Variants in BEGAIN observed in about 807,000 individuals in gnomAD.
BEGAIN encodes the protein brain-enriched guanylate kinase-associated protein.
A neutral mutation model predicts 35.8 loss-of-function variants in BEGAIN; 19 were observed. The observed-to-expected ratio is 0.53, with a 90% CI of 0.37 to 0.78. BEGAIN has a LOEUF of 0.78. BEGAIN is among the 30% of genes least tolerant of loss of function. BEGAIN has a pLI of 0.00. For synonymous variants in BEGAIN, 462 were observed against 388.6 expected, an observed-to-expected ratio of 1.19 and a Z score of -2.22; for missense variants, 795 against 853.6, an observed-to-expected ratio of 0.93 and a Z score of 0.85.
At chr14:100,578,046 G>A (rs1192284126) in intron 1 of BEGAIN, 1 of 398,416 alleles carries the variant, frequency 2.5e-6, no homozygotes, top group Non-Finnish European at 4.4e-6. Context: ...CCTCTTGGGG[G>A]CTGTGCCTCC....
intron 2 of BEGAIN, among the ~76,000 whole-genome samples, chr14:100,557,513 CCTCA>C (rs2033862690): frequency 6.6e-6 from 1 of 152,144 alleles, no homozygotes; most frequent in Non-Finnish European, 1.5e-5. Context: ...TGAGGATGCC[CCTCA>C]CTCCATCACT....
At position 100,568,266 on chromosome 14, in the gene BEGAIN, G is replaced by A; in HGVS notation, c.43-327C>T. ...GCCTCGCCCGGAGGAGGGGGACTCG[G>A]CCTGTCCCCGTTAACTCTCCGGCGG... On this transcript the variant is annotated intron_variant, in intron 1 of 6. Coordinates refer to ENST00000554140, the MANE Select transcript of BEGAIN (RefSeq NM_001385089.1). This position sits in a 1 kb window ranked among gnomAD's most constrained non-coding sequence, Gnocchi z 7.5. 1 of 655,758 alleles carries A rather than the reference G, an allele frequency of 1.5e-6. No homozygotes were observed. 40.6% of individuals were successfully genotyped at this position (655,758 alleles called of 1,614,324 possible). A position where few individuals can be genotyped will look rare whatever the true frequency, so the allele number is the denominator to read the frequency against.
intron 4 of BEGAIN, among the ~76,000 whole-genome samples, chr14:100,544,530 C>T (rs1249638501): frequency 6.6e-6 from 1 of 152,152 alleles, no homozygotes; most frequent in East Asian, 1.9e-4. Context: ...TCGACATGTC[C>T]CAGCAGTGTG....
At chr14:100,577,263 G>C (rs1434738633) in intron 1 of BEGAIN, 2 of 398,714 alleles carry the variant, frequency 5.0e-6, no homozygotes. Context: ...AGGGCCTGTG[G>C]GGAAGCGGCA....
At chr14:100,574,062 G>A (rs778344450) in intron 1 of BEGAIN, among the ~76,000 whole-genome samples, 3 of 152,146 alleles carry the variant, frequency 2.0e-5, no homozygotes, top group Admixed American at 1.3e-4. Flanking sequence ...GGACAAGGAC[G>A]GAGAGCCGCC....
chr14:100,562,577 A>T (rs895303533), intron 2 of BEGAIN, among the ~76,000 whole-genome samples: 2 of 124,074 alleles, frequency 1.6e-5, no homozygotes, highest in African/African-American at 6.2e-5. Context: ...CACCCCCATC[A>T]GCAGACCCCG....
intron 2 of BEGAIN, among the ~76,000 whole-genome samples, chr14:100,562,729 C>CGCTCAG (rs2034372063): frequency 1.3e-5 from 2 of 152,186 alleles, no homozygotes; most frequent in Non-Finnish European, 2.9e-5. Flanking sequence ...CGGTGGCACC[C>CGCTCAG]GCTCAGGGCC....
intron 1 of BEGAIN, among the ~76,000 whole-genome samples, chr14:100,585,011 G>A (rs1007084833): frequency 6.6e-6 from 1 of 152,088 alleles, no homozygotes; most frequent in Non-Finnish European, 1.5e-5. Context: ...TAAGTCTTGA[G>A]ACTTGAACAC....
At chr14:100,552,705 G>A (rs1034293622) in intron 2 of BEGAIN, among the ~76,000 whole-genome samples, 3 of 152,214 alleles carry the variant, frequency 2.0e-5, no homozygotes, top group Non-Finnish European at 2.9e-5. Flanking sequence ...TTCCTGGCCC[G>A]GCTGTCAGCA....
At position 100,539,442 on chromosome 14, in the gene BEGAIN, T is replaced by A. The variant is rs2031224640; in HGVS notation, c.493-127A>T. Reference sequence around the variant, plus strand: ...ACAGGCAGACAGACGAACGGGGGCCTCCCGGCTTCTCAAATCACACCAGGG... The same window carrying A: ...ACAGGCAGACAGACGAACGGGGGCCACCCGGCTTCTCAAATCACACCAGGG... On this transcript the variant is annotated intron_variant, in intron 6 of 6. Transcript: ENST00000554140. 2.8e-6 allele frequency: 4 copies of A among 1,422,862 alleles called. No homozygotes were observed. In the South Asian group the frequency reaches 6.1e-5, roughly 22 times the overall value. The allele number at this position is 1,422,862 out of a possible 1,614,324, so 88.1% of individuals were successfully genotyped here. A position where few individuals can be genotyped will look rare whatever the true frequency, so the allele number is the denominator to read the frequency against.
Position 100,538,357 on chromosome 14 carries a change from C to T in BEGAIN, c.1451G>A (p.Ser484Asn), listed in dbSNP as rs2140421544. The T allele has an allele frequency of 6.6e-7, 1 of 1,514,346 alleles. No homozygotes were observed. Among genetic ancestry groups the T allele is most frequent in the East Asian group, 2.3e-5 (1 of 43,340 alleles). 93.8% of individuals were successfully genotyped at this position (1,514,346 alleles called of 1,614,324 possible). A position where few individuals can be genotyped will look rare whatever the true frequency, so the allele number is the denominator to read the frequency against. The change falls in exon 7 of 7, where the codon AGC becomes AAC. Residue 484 changes from serine (S) to asparagine (N), a missense_variant. Ser to Asn is a conservative substitution (Grantham distance 46). Transcript: ENST00000554140. ...SPGKKADGRA[S>N]PLYASYKADS... is the part of the protein sequence containing the mutation. ...GGCCTTGTAGCTGGCGTAGAGCGGG[C>T]TGGCGCGGCCGTCGGCCTTCTTGCC... is the stretch of plus-strand genomic sequence containing the variant.
intron 1 of BEGAIN, among the ~76,000 whole-genome samples, chr14:100,576,836 G>A (rs2035213277): frequency 6.6e-6 from 1 of 152,202 alleles, no homozygotes; most frequent in Non-Finnish European, 1.5e-5. Context: ...TGCATGTGTG[G>A]ACGGGGTACG....
chr14:100,579,962 C>T (rs976992239), intron 1 of BEGAIN, among the ~76,000 whole-genome samples: 5 of 152,204 alleles, frequency 3.3e-5, no homozygotes, highest in African/African-American at 7.2e-5. Context: ...TGAGTCGATG[C>T]GGATCCAGCC....
rs903450418 is a variant in BEGAIN at position 100,558,629 on chromosome 14, C to T, written c.71+9282G>A. 6.6e-6 allele frequency among the ~76,000 whole-genome samples: 1 copy of T among 152,226 alleles called. No homozygotes were observed. Among genetic ancestry groups the T allele is most frequent in the Non-Finnish European group, 1.5e-5 (1 of 68,038 alleles). ...GGGCGCAGCTGAGCTCCCATCGCCCCTACAAATCCACAGCCTACCCCCACA... is the reference window on the plus strand; with the variant it reads ...GGGCGCAGCTGAGCTCCCATCGCCCTTACAAATCCACAGCCTACCCCCACA... On this transcript the variant is annotated intron_variant, in intron 2 of 6. Transcript: ENST00000554140. This position sits in a 1 kb window ranked among gnomAD's most constrained non-coding sequence, Gnocchi z 4.6.
intron 1 of BEGAIN, among the ~76,000 whole-genome samples, chr14:100,585,757 C>A (rs2035430542): frequency 6.6e-6 from 1 of 152,104 alleles, no homozygotes. Context: ...AGGTTCTAGG[C>A]AGCCCTCCCC....
chr14:100,553,862 G>A (rs539214274), intron 2 of BEGAIN, among the ~76,000 whole-genome samples: 9 of 152,326 alleles, frequency 5.9e-5, no homozygotes, highest in South Asian at 4.1e-4. Context: ...GCCAGAGGGC[G>A]CGTCCAAACA....
intron 4 of BEGAIN, among the ~76,000 whole-genome samples, chr14:100,544,734 G>T (rs948182569): frequency 6.6e-6 from 1 of 152,144 alleles, no homozygotes; most frequent in Non-Finnish European, 1.5e-5. Context: ...CCCGTTCCCA[G>T]TGTATGTCCT....
At chr14:100,553,405 G>A (rs1270462697) in intron 2 of BEGAIN, among the ~76,000 whole-genome samples, 2 of 152,142 alleles carry the variant, frequency 1.3e-5, no homozygotes, top group East Asian at 3.9e-4. Flanking sequence ...GTGACAGCCA[G>A]GTCTGGCCAC....
chr14:100,587,253 C>T lies in BEGAIN; in HGVS notation c.38G>A (p.Arg13Gln). 1 of 192,364 alleles carries T rather than the reference C, an allele frequency of 5.2e-6. No homozygotes were observed. Among genetic ancestry groups the T allele is most frequent in the South Asian group, 7.9e-5 (1 of 12,694 alleles). 11.9% of individuals were successfully genotyped at this position (192,364 alleles called of 1,614,324 possible). A position where few individuals can be genotyped will look rare whatever the true frequency, so the allele number is the denominator to read the frequency against. The change falls in exon 1 of 7, where the codon CGG (arginine) becomes CAG (glutamine). Residue 13 changes from arginine to glutamine, a missense_variant. By Grantham distance (43) the Arg-to-Gln change is conservative. Coordinates refer to ENST00000554140, the MANE Select transcript of BEGAIN (RefSeq NM_001385089.1). Reference protein sequence around the residue: ...TGGRRPGRLRRAASAADMEKL... With the variant: ...TGGRRPGRLRQAASAADMEKL... ...TCCCGGCTCGCAGGTACTCACCGCC[C>T]GGCGCAGCCGGCCCGGCCGGCGACC...
Sources: gnomAD v4.1 joint callset for allele counts (sites outside exome capture counted in the v4.1 genomes callset) on GRCh38, gnomAD v4.1.1 for gene constraint, Gnocchi (gnomAD v3.1) non-coding constraint, MANE v1.5 for transcripts, NCBI Gene and HGNC (gene_info 2026-07-23, HGNC 2026-07-21) for gene names.